ABHD2: variants seen among roughly 807,000 people sequenced by gnomAD.
ABHD2 encodes abhydrolase domain containing 2, acylglycerol lipase.
Under a neutral mutation model 48.1 loss-of-function variants are expected in ABHD2, and 20 were observed. The ratio of observed to expected loss-of-function variants is 0.42; its 90% confidence interval spans 0.29 to 0.60. ABHD2 has a LOEUF of 0.60. Ranked by LOEUF, ABHD2 falls within the 20% of genes least tolerant of loss-of-function variation. The pLI, the probability that ABHD2 is intolerant of heterozygous loss-of-function variation, is 0.24. For missense variants in ABHD2, 405 were observed against 550.9 expected (o/e 0.74, Z 2.65); for synonymous variants, 209 against 214.2 (o/e 0.98, Z 0.21).
Position 89,155,317 on chromosome 15 carries a change from A to C in ABHD2, c.371-50A>C. 1 of 1,569,962 alleles carries C rather than the reference A, an allele frequency of 6.4e-7. No homozygotes were observed. The highest frequency in any genetic ancestry group is 8.7e-7 in the Non-Finnish European group (1 of 1,145,978). ...CAGTGAAGTGTAATTATGTCCATTTATCATGTCACATTTCTTGGATACATC... is the reference window on the plus strand; with the variant it reads ...CAGTGAAGTGTAATTATGTCCATTTCTCATGTCACATTTCTTGGATACATC... On this transcript the variant is annotated intron_variant, in intron 4 of 10. Transcript: ENST00000352732. The surrounding 1 kb of genome is among the most constrained non-coding windows in gnomAD (Gnocchi z 4.9).
At chr15:89,062,847 A>G in the ABHD2 span, among the ~76,000 whole-genome samples, 7 of 152,002 alleles carry the variant, frequency 4.6e-5, no homozygotes, top group South Asian at 1.5e-3. Flanking sequence ...GTCTCACCTT[A>G]TTGATTTCCG....
rs1034885147 is a variant in ABHD2 at position 89,094,836 on chromosome 15, G to A, written c.-107+6273G>A. Among the ~76,000 whole-genome samples, 63 of 152,050 alleles carry A rather than the reference G, an allele frequency of 4.1e-4. No individual in the cohort carries two copies. The highest frequency in any genetic ancestry group is 1.3e-4 in the Non-Finnish European group (9 of 68,014). ...CCAGTACTTTGAGAGGCCGAGGCAGGCGGATCACTTGAGACCAGGAGTTCG... is the reference window on the plus strand; with the variant it reads ...CCAGTACTTTGAGAGGCCGAGGCAGACGGATCACTTGAGACCAGGAGTTCG... On this transcript the variant is annotated intron_variant, in intron 1 of 10. Transcript: ENST00000352732. This position sits in a 1 kb window ranked among gnomAD's most constrained non-coding sequence, Gnocchi z 4.7.
rs943680894 is a variant in ABHD2 at position 89,185,142 on chromosome 15, C to T, written c.723-282C>T. Among the ~76,000 whole-genome samples the T allele has an allele frequency of 2.0e-5, 3 of 152,190 alleles. No homozygotes were observed. Among genetic ancestry groups the T allele is most frequent in the African/African-American group, 7.2e-5 (3 of 41,448 alleles). On this transcript the variant is annotated intron_variant, in intron 6 of 10. Coordinates refer to ENST00000352732, the MANE Select transcript of ABHD2 (RefSeq NM_152924.5). This position sits in a 1 kb window ranked among gnomAD's most constrained non-coding sequence, Gnocchi z 5.9. ...CAGGCTCAGTGACTAAGAGAAGGTC[C>T]AGGTGCTAGAAGAGAGTGTCGGGGG...
chr15:89,078,813 C>G, the ABHD2 span, among the ~76,000 whole-genome samples: 1 of 151,920 alleles, frequency 6.6e-6, no homozygotes, highest in African/African-American at 2.4e-5. Context: ...TCACTACAAC[C>G]TCTGCCTCCC....
intron 10 of ABHD2, among the ~76,000 whole-genome samples, chr15:89,194,357 G>A (rs2150956843): frequency 6.6e-6 from 1 of 152,020 alleles, no homozygotes; most frequent in South Asian, 2.1e-4. Context: ...AAATTAGCCA[G>A]GCGTGGTGGT....
chr15:89,070,277 C>T, the ABHD2 span: 6 of 152,234 alleles, frequency 3.9e-5, no homozygotes, highest in Non-Finnish European at 7.3e-5. Flanking sequence ...AAGCAAGTCA[C>T]ATGGCTAAGC....
In ABHD2 at chr15:89,169,852, G is replaced by A. The variant is rs925865274; in HGVS notation, c.539-5960G>A. ...GAAAAACAGTCAAACTGTGCCAAAG[G>A]CTACATACAATGAGTGAAACTAGAT... On this transcript the variant is annotated intron_variant, in intron 5 of 10. Coordinates refer to ENST00000352732, the MANE Select transcript of ABHD2 (RefSeq NM_152924.5). 7.2e-5 allele frequency among the ~76,000 whole-genome samples: 11 copies of A among 152,078 alleles called. No individual in the cohort carries two copies. The East Asian group carries it at 2.1e-3, about 29-fold the overall frequency.
rs1319688452 is a variant in ABHD2 at position 89,100,384 on chromosome 15, C to CA, written c.-107+11823dup. Among the ~76,000 whole-genome samples, 1 of 151,666 alleles carries CA rather than the reference C, an allele frequency of 6.6e-6. No individual in the cohort carries two copies. The highest frequency in any genetic ancestry group is 1.5e-5 in the Non-Finnish European group (1 of 67,982). On this transcript the variant is annotated intron_variant, in intron 1 of 10. Transcript: ENST00000352732. The surrounding 1 kb of genome is among the most constrained non-coding windows in gnomAD (Gnocchi z 4.4). ...CACTGTAGCCTCAATCTTCTGTGCT[C>CA]AAGTGATCCTCCCACTTGCCCGAAG... is the stretch of plus-strand genomic sequence containing the variant.
intron 1 of ABHD2, among the ~76,000 whole-genome samples, chr15:89,105,027 C>G (rs899409215): frequency 3.3e-5 from 5 of 152,182 alleles, no homozygotes; most frequent in African/African-American, 1.2e-4. Context: ...AAATCTAGAA[C>G]CTCCCTAGAG....
intron 3 of ABHD2, among the ~76,000 whole-genome samples, chr15:89,117,245 T>C (rs293393): frequency 0.39 from 59,724 of 152,022 alleles, 12,099 homozygotes; most frequent in Non-Finnish European, 0.44. Context: ...AGGCTGGTCT[T>C]GAACTCCTGA....
At chr15:89,135,911 A>T in intron 3 of ABHD2, 1 of 585,970 alleles carries the variant, frequency 1.7e-6, no homozygotes, top group South Asian at 2.2e-5. Context: ...TCTTGGGTGC[A>T]CTGGGATCCT....
intron 3 of ABHD2, among the ~76,000 whole-genome samples, chr15:89,133,276 A>C (rs2050248878): frequency 1.3e-5 from 2 of 151,356 alleles, no homozygotes; most frequent in South Asian, 4.2e-4. Flanking sequence ...ATAAAAAAAT[A>C]GTTTGTTTAA....
At chr15:89,057,156 C>G in the ABHD2 span, among the ~76,000 whole-genome samples, 1 of 152,016 alleles carries the variant, frequency 6.6e-6, no homozygotes, top group Non-Finnish European at 1.5e-5. Context: ...TCAGGTGATC[C>G]GCCTGCGTCA....
rs572090204 is a variant in ABHD2, at chr15:89,185,743, C to T, written c.815+227C>T. ...CAGCACTTTGGGAAGCTGAGGCGGG[C>T]AGATAGCTTGAGGCCAGGAATTTGA... On this transcript the variant is annotated intron_variant, in intron 7 of 10. Transcript: ENST00000352732. The surrounding 1 kb of genome is among the most constrained non-coding windows in gnomAD (Gnocchi z 5.9). Among the ~76,000 whole-genome samples, 6 of 152,274 alleles carry T rather than the reference C, an allele frequency of 3.9e-5. No homozygotes were observed. The East Asian group carries it at 1.2e-3, about 29-fold the overall frequency.
chr15:89,089,303 A>G (rs1354010064), intron 1 of ABHD2, among the ~76,000 whole-genome samples: 1 of 152,040 alleles, frequency 6.6e-6, no homozygotes, highest in East Asian at 1.9e-4. Flanking sequence ...CCACAAATGC[A>G]CTCTAAGTGG....
rs1221724841 is a variant in ABHD2, at chr15:89,155,553, A to C, written c.538+19A>C. 1 of 1,595,358 alleles carries C rather than the reference A, an allele frequency of 6.3e-7. No individual in the cohort carries two copies. Among genetic ancestry groups the C allele is most frequent in the Admixed American group, 1.7e-5 (1 of 58,262 alleles). Reference sequence around the variant, plus strand: ...ACCTATGGTAAGCATGGCTAAGTGGAGTCCTCCCTTTTTCTGCAAGTGTGC... The same window carrying C: ...ACCTATGGTAAGCATGGCTAAGTGGCGTCCTCCCTTTTTCTGCAAGTGTGC... On this transcript the variant is annotated intron_variant, in intron 5 of 10. Transcript: ENST00000352732. The surrounding 1 kb of genome is among the most constrained non-coding windows in gnomAD (Gnocchi z 4.9).
chr15:89,124,358 T>A (rs2050100211), intron 3 of ABHD2, among the ~76,000 whole-genome samples: 1 of 152,236 alleles, frequency 6.6e-6, no homozygotes, highest in African/African-American at 2.4e-5. Flanking sequence ...TTTCTCAATC[T>A]TAAAGCATCA....
intron 1 of ABHD2, among the ~76,000 whole-genome samples, chr15:89,095,782 C>G (rs1175488388): frequency 6.6e-6 from 1 of 152,112 alleles, no homozygotes; most frequent in Non-Finnish European, 1.5e-5. Flanking sequence ...CTTGAGGTTC[C>G]TTGGGTTCTC....
chr15:89,049,143 C>T, the ABHD2 span, among the ~76,000 whole-genome samples: 7 of 152,080 alleles, frequency 4.6e-5, no homozygotes, highest in African/African-American at 9.7e-5. Context: ...AGTACCCGGC[C>T]GGCCGTGTGA....
Sources: allele counts gnomAD v4.1 joint callset (sites outside exome capture counted in the v4.1 genomes callset), GRCh38; gene constraint gnomAD v4.1.1; non-coding constraint Gnocchi (gnomAD v3.1); transcripts MANE v1.5; gene names NCBI Gene and HGNC (gene_info 2026-07-23, HGNC 2026-07-21).